The following HCN1 variants were observed in gnomAD, a reference collection of about 807,000 sequenced individuals.
HCN1 encodes hyperpolarization activated cyclic nucleotide gated potassium channel 1.
Under a neutral mutation model 78.9 loss-of-function variants are expected in HCN1, and 13 were observed. The ratio of observed to expected loss-of-function variants is 0.16; its 90% confidence interval spans 0.11 to 0.26. The LOEUF (loss-of-function observed/expected upper bound fraction) is 0.26. Among genes scored for constraint, HCN1 ranks in the 10% least tolerant of loss-of-function variants. HCN1 has a pLI of 1.00. For synonymous variants in HCN1, 552 were observed against 455.5 expected (o/e 1.21, Z -2.70); for missense variants, 810 against 1,154.3 (o/e 0.70, Z 4.32).
intron 4 of HCN1, among the ~76,000 whole-genome samples, chr5:45,376,200 TATTTTATATATA>T (rs1423503759): frequency 2.8e-4 from 1 of 3,616 alleles, no homozygotes; most frequent in African/African-American, 9.7e-4. Context: ...ATATATAACA[TATTTTATATATA>T]ATACATTATA....
intron 5 of HCN1, among the ~76,000 whole-genome samples, chr5:45,334,620 C>T (rs1202778196): frequency 6.6e-6 from 1 of 151,858 alleles, no homozygotes; most frequent in African/African-American, 2.4e-5. Flanking sequence ...ATTTACTTTC[C>T]CTGTCAAGCC....
intron 1 of HCN1, among the ~76,000 whole-genome samples, chr5:45,695,345 A>G (rs1054394549): frequency 6.6e-6 from 1 of 152,022 alleles, no homozygotes; most frequent in Non-Finnish European, 1.5e-5. Context: ...TCTGAAGTAA[A>G]AGTTTCCCTT....
chr5:45,272,691 A>G (rs1248674967), intron 6 of HCN1, among the ~76,000 whole-genome samples: 2 of 152,072 alleles, frequency 1.3e-5, no homozygotes, highest in African/African-American at 2.4e-5. Flanking sequence ...TGAGGAACAT[A>G]ACATATCTCT....
intron 4 of HCN1, among the ~76,000 whole-genome samples, chr5:45,375,292 T>C (rs1241024460): frequency 1.6e-5 from 2 of 121,806 alleles, no homozygotes; most frequent in African/African-American, 6.4e-5. Context: ...ATACATAATA[T>C]ATTTCATGAT....
intron 2 of HCN1, among the ~76,000 whole-genome samples, chr5:45,629,185 C>T (rs1027218872): frequency 2.0e-5 from 3 of 151,844 alleles, no homozygotes; most frequent in African/African-American, 7.2e-5. Flanking sequence ...TTCAAAGTAT[C>T]TACAATAAAA....
chr5:45,267,566 G>A (rs982436160), intron 6 of HCN1, among the ~76,000 whole-genome samples: 1 of 151,656 alleles, frequency 6.6e-6, no homozygotes, highest in Non-Finnish European at 1.5e-5. Context: ...TCAAGAGATC[G>A]AGACCATCCT....
intron 2 of HCN1, among the ~76,000 whole-genome samples, chr5:45,545,953 T>C (rs1480364652): frequency 6.6e-6 from 1 of 152,052 alleles, no homozygotes; most frequent in East Asian, 1.9e-4. Context: ...ATGCTCCGTG[T>C]AATCTTCATT....
At chr5:45,289,809 T>C (rs957020944) in intron 6 of HCN1, among the ~76,000 whole-genome samples, 5 of 152,096 alleles carry the variant, frequency 3.3e-5, no homozygotes, top group African/African-American at 9.7e-5. Context: ...TTCTTACAGT[T>C]CTGGAGCCTC....
At chr5:45,489,608 T>C (rs931259365) in intron 2 of HCN1, among the ~76,000 whole-genome samples, 2 of 152,118 alleles carry the variant, frequency 1.3e-5, no homozygotes, top group Non-Finnish European at 2.9e-5. Flanking sequence ...CCTTAGCTTC[T>C]CGTTAGCCAG....
chr5:45,293,835 T>C lies in HCN1; in HGVS notation c.1618+9764A>G, dbSNP rs910969519. 2.6e-5 allele frequency among the ~76,000 whole-genome samples: 4 copies of C among 152,084 alleles called. No individual in the cohort carries two copies. In the East Asian group the frequency reaches 7.8e-4, roughly 30 times the overall value. ...AGCTTCAGCTTGTGATTGTGTATTA[T>C]TTGACATTTCTAAGTCAGCCAAGAC... On this transcript the variant is annotated intron_variant, in intron 6 of 7. Coordinates refer to ENST00000303230, the MANE Select transcript of HCN1 (RefSeq NM_021072.4).
intron 2 of HCN1, among the ~76,000 whole-genome samples, chr5:45,561,851 T>C (rs1318509721): frequency 6.6e-6 from 1 of 152,136 alleles, no homozygotes; most frequent in Non-Finnish European, 1.5e-5. Flanking sequence ...ACATGGAAAC[T>C]TCCCTGGATG....
Position 45,256,299 on chromosome 5 carries a change from G to A in HCN1, c.*5622C>T, listed in dbSNP as rs1432240879. On this transcript the variant is annotated 3_prime_UTR_variant, in exon 8 of 8. Coordinates refer to ENST00000303230, the MANE Select transcript of HCN1 (RefSeq NM_021072.4). Reference sequence around the variant, plus strand: ...GATGCAGGAGAATTGCTTAAACCTGGGAGGCTGATGTTGCAGTGGGCCAAG... The same window carrying A: ...GATGCAGGAGAATTGCTTAAACCTGAGAGGCTGATGTTGCAGTGGGCCAAG... 1.3e-5 allele frequency: 2 copies of A among 151,600 alleles called. No homozygotes were observed. Among genetic ancestry groups the A allele is most frequent in the African/African-American group, 4.9e-5 (2 of 41,152 alleles). The allele number at this position is 151,600 out of a possible 1,614,324, so 9.4% of individuals were successfully genotyped here. A position where few individuals can be genotyped will look rare whatever the true frequency, so the allele number is the denominator to read the frequency against.
At chr5:45,590,411 G>A (rs1471147015) in intron 2 of HCN1, among the ~76,000 whole-genome samples, 1 of 152,156 alleles carries the variant, frequency 6.6e-6, no homozygotes. Flanking sequence ...ATCCTATGCT[G>A]CAGTGGAATG....
intron 5 of HCN1, among the ~76,000 whole-genome samples, chr5:45,351,261 A>G (rs1009107728): frequency 1.3e-5 from 2 of 151,042 alleles, no homozygotes; most frequent in African/African-American, 2.5e-5. Flanking sequence ...ACCTGAGAAA[A>G]ACAAGCAATG....
chr5:45,621,555 C>T (rs892547733), intron 2 of HCN1, among the ~76,000 whole-genome samples: 2 of 152,076 alleles, frequency 1.3e-5, no homozygotes, highest in Non-Finnish European at 2.9e-5. Flanking sequence ...TCTAATGGAG[C>T]TTTATTATTT....
chr5:45,303,912 T>C, intron 5 of HCN1, 73 bp from the exon 6 acceptor site: 1 of 1,289,700 alleles, frequency 7.8e-7, no homozygotes, highest in East Asian at 2.3e-5. Context: ...TGCTGAAATT[T>C]AAAATATATA....
intron 2 of HCN1, among the ~76,000 whole-genome samples, chr5:45,517,545 CA>C (rs1360117388): frequency 2.1e-5 from 1 of 47,816 alleles, no homozygotes; most frequent in Admixed American, 2.0e-4. Flanking sequence ...AAAAAAAAAA[CA>C]TGATTTCACT....
intron 7 of HCN1, 50 bp from the exon 8 acceptor site, chr5:45,262,860 G>T: frequency 6.2e-7 from 1 of 1,601,438 alleles, no homozygotes. Context: ...AATGACTGAT[G>T]ACAACGCCAA....
chr5:45,593,739 A>G (rs952890896), intron 2 of HCN1, among the ~76,000 whole-genome samples: 12 of 151,918 alleles, frequency 7.9e-5, no homozygotes, highest in African/African-American at 2.9e-4. Context: ...CAGTGGCACA[A>G]TCTCAGCTCA....
Sources: gnomAD v4.1 joint callset for allele counts (sites outside exome capture counted in the v4.1 genomes callset) on GRCh38, gnomAD v4.1.1 for gene constraint, MANE v1.5 for transcripts, NCBI Gene and HGNC (gene_info 2026-07-23, HGNC 2026-07-21) for gene names.